ASB4: variants seen among roughly 807,000 people sequenced by gnomAD.
ASB4 encodes ankyrin repeat and SOCS box protein 4.
ASB4 carries 35 observed loss-of-function variants against 38.6 expected under a neutral mutation model. That is an observed-to-expected ratio of 0.91 (90% confidence interval 0.69 to 1.20). ASB4 has a LOEUF of 1.20. ASB4 is among the 50% of genes most tolerant of loss of function. The pLI is 0.00. For missense variants in ASB4, 557 were observed against 527.2 expected (o/e 1.06, Z -0.55); for synonymous variants, 195 against 201.3 (o/e 0.97, Z 0.26).
upstream of ASB4, among the ~76,000 whole-genome samples, chr7:95,483,158 C>T (rs555554698): frequency 2.6e-5 from 4 of 152,136 alleles, no homozygotes; most frequent in Non-Finnish European, 5.9e-5. Context: ...CATTCTGCCA[C>T]GGAGATATCA....
At chr7:95,473,747 A>G (rs1034786140), upstream of ASB4, 5 of 151,698 alleles carry the variant, frequency 3.3e-5, no homozygotes, top group African/African-American at 9.7e-5. Context: ...ATTTGCAATC[A>G]TTGCTGGAGA....
rs531191636 is a variant in ASB4 at position 95,487,322 on chromosome 7, G to A, written c.187+1164G>A. On this transcript the variant is annotated intron_variant, in intron 1 of 4. Coordinates refer to ENST00000325885, the MANE Select transcript of ASB4 (RefSeq NM_016116.3). ...ATCTATTTTTTAAAAAGTTTATGGG[G>A]TCTGTTAGAAAATTTGTATACTATA... Among the ~76,000 whole-genome samples the A allele has an allele frequency of 2.0e-5, 3 of 152,238 alleles. No individual in the cohort carries two copies. In the South Asian group the frequency reaches 6.2e-4, roughly 32 times the overall value.
intron 2 of ASB4, among the ~76,000 whole-genome samples, chr7:95,521,448 C>T (rs1187794162): frequency 2.6e-5 from 4 of 152,062 alleles, no homozygotes; most frequent in African/African-American, 9.6e-5. Flanking sequence ...TGATTTTGAA[C>T]CTTTAAACTC....
chr7:95,491,045 C>A (rs1028226921), intron 1 of ASB4, among the ~76,000 whole-genome samples: 3 of 152,318 alleles, frequency 2.0e-5, no homozygotes, highest in Non-Finnish European at 2.9e-5. Flanking sequence ...TACTACTTAA[C>A]CTCTTCCAGA....
At chr7:95,519,953 T>C (rs1023841063) in intron 2 of ASB4, among the ~76,000 whole-genome samples, 1 of 152,154 alleles carries the variant, frequency 6.6e-6, no homozygotes, top group South Asian at 2.1e-4. Context: ...TTTTTGAATA[T>C]GAACAATGTT....
intron 2 of ASB4, among the ~76,000 whole-genome samples, chr7:95,509,923 G>GT (rs1428454350): frequency 6.6e-6 from 1 of 152,214 alleles, no homozygotes; most frequent in East Asian, 1.9e-4. Context: ...AATTTTATTT[G>GT]TTTTGGGTCC....
At chr7:95,496,571 G>A (rs1032928472) in intron 2 of ASB4, among the ~76,000 whole-genome samples, 2 of 152,196 alleles carry the variant, frequency 1.3e-5, no homozygotes, top group African/African-American at 4.8e-5. Flanking sequence ...GGACGGCCAG[G>A]TGCTGTGGCT....
rs1374190591 is a variant in ASB4 at position 95,527,926 on chromosome 7, G to A, written c.601G>A (p.Val201Met). 3.7e-6 allele frequency: 6 copies of A among 1,614,050 alleles called. No individual in the cohort carries two copies. The highest frequency in any genetic ancestry group is 5.1e-6 in the Non-Finnish European group (6 of 1,180,048). Reference protein sequence around the residue: ...VAFYVEHGAIVDSVNAHMETP... With the variant: ...VAFYVEHGAIMDSVNAHMETP... ...CTTCTACGTGGAACACGGGGCCATA[G>A]TGGACAGCGTGAATGCCCACATGGA... Residue 201 changes from valine (V) to methionine (M), a missense_variant, in exon 3 of 5, where the codon GTG (valine) becomes ATG (methionine). Transcript: ENST00000325885.
intron 2 of ASB4, among the ~76,000 whole-genome samples, chr7:95,502,651 C>T (rs1790358054): frequency 6.6e-6 from 1 of 152,166 alleles, no homozygotes; most frequent in African/African-American, 2.4e-5. Context: ...ACATGACCTG[C>T]AGTACACTAG....
intron 1 of ASB4, among the ~76,000 whole-genome samples, chr7:95,490,536 C>T (rs1238947108): frequency 3.3e-5 from 5 of 152,220 alleles, no homozygotes; most frequent in Admixed American, 6.5e-5. Flanking sequence ...AATCCAGCCA[C>T]GAGCAGTGTG....
intron 1 of ASB4, among the ~76,000 whole-genome samples, chr7:95,479,111 G>A (rs916523518): frequency 2.6e-5 from 4 of 152,208 alleles, no homozygotes; most frequent in Non-Finnish European, 4.4e-5. Flanking sequence ...CCTAAAGGCT[G>A]AGGAGTGTGT....
chr7:95,471,221 C>T, the ASB4 span, among the ~76,000 whole-genome samples: 1 of 152,188 alleles, frequency 6.6e-6, no homozygotes, highest in Non-Finnish European at 1.5e-5. Flanking sequence ...ACGCACGTCC[C>T]CTTCAAATGA....
intron 2 of ASB4, among the ~76,000 whole-genome samples, chr7:95,518,173 T>A (rs929358045): frequency 4.6e-5 from 7 of 152,232 alleles, no homozygotes; most frequent in Non-Finnish European, 1.0e-4. Context: ...TTCACCAATA[T>A]CTTGTTCTCT....
At chr7:95,495,017 G>A (rs78641443) in intron 1 of ASB4, among the ~76,000 whole-genome samples, 8,041 of 152,210 alleles carry the variant, frequency 0.053, 294 homozygotes, top group Middle Eastern at 0.071. Context: ...AGGCAAATTT[G>A]CAATGCCATT....
chr7:95,516,063 C>G (rs924599938), intron 2 of ASB4, among the ~76,000 whole-genome samples: 1 of 152,172 alleles, frequency 6.6e-6, no homozygotes, highest in Non-Finnish European at 1.5e-5. Flanking sequence ...CCAGAACAGA[C>G]AGAATTTTGT....
At chr7:95,473,661 A>G (rs1789946452), upstream of ASB4, 1 of 151,294 alleles carries the variant, frequency 6.6e-6, no homozygotes, top group Admixed American at 6.6e-5. Context: ...TTTTTAATCA[A>G]CGGAATAATC....
At chr7:95,528,761 A>G (rs925067118) in intron 3 of ASB4, 1 of 911,902 alleles carries the variant, frequency 1.1e-6, no homozygotes, top group Non-Finnish European at 1.3e-6. Context: ...TACTAAAATT[A>G]TATTTATTAT....
upstream of ASB4, among the ~76,000 whole-genome samples, chr7:95,482,984 T>C (rs1391511662): frequency 6.6e-6 from 1 of 152,180 alleles, no homozygotes; most frequent in African/African-American, 2.4e-5. Context: ...TTAGCTTAGG[T>C]TCATGTCTAT....
At chr7:95,482,383 A>C (rs1173638055), upstream of ASB4, among the ~76,000 whole-genome samples, 2 of 152,188 alleles carry the variant, frequency 1.3e-5, no homozygotes, top group Admixed American at 6.5e-5. Context: ...GCAATGCTTT[A>C]AAATTTCATT....
Sources: gnomAD v4.1 joint callset for allele counts (sites outside exome capture counted in the v4.1 genomes callset) on GRCh38, gnomAD v4.1.1 for gene constraint, MANE v1.5 for transcripts, NCBI Gene and HGNC (gene_info 2026-07-23, HGNC 2026-07-21) for gene names.